CDCA2: variants seen among roughly 807,000 people sequenced by gnomAD.
The protein encoded by CDCA2 is cell division cycle-associated protein 2.
In CDCA2, 44 loss-of-function variants were observed where a neutral mutation model predicts 67.0. The ratio of observed to expected loss-of-function variants is 0.66; its 90% CI spans 0.52 to 0.84. The LOEUF (loss-of-function observed/expected upper bound fraction) is 0.84. Ranked by LOEUF, CDCA2 falls within the 40% of genes least tolerant of loss-of-function variation. CDCA2 has a pLI of 0.00. For synonymous variants in CDCA2, 447 were observed against 418.7 expected (o/e 1.07, Z -0.82); for missense variants, 1,253 against 1,203.2 (o/e 1.04, Z -0.61).
intron 7 of CDCA2, 105 bp from the exon 8 acceptor site, chr8:25,479,807 AT>A: frequency 1.9e-6 from 2 of 1,052,586 alleles, no homozygotes; most frequent in Non-Finnish European, 1.4e-6. Flanking sequence ...TTAGGTTTGA[AT>A]TTCTTCATAG....
Position 25,468,370 on chromosome 8 carries a change from C to T in CDCA2, c.692C>T (p.Thr231Ile), listed in dbSNP as rs1301152328. The change falls in exon 6 of 15, where the codon ACA (threonine) becomes ATA (isoleucine). Residue 231 changes from threonine (T) to isoleucine (I), a missense_variant. Thr to Ile is a moderately conservative substitution (Grantham distance 89). Transcript: ENST00000330560. ...GGTCTCCAGATATTCAATATTGATA[C>T]AGACAGAGCATGTGCAGTTGAAACT... is the stretch of plus-strand genomic sequence containing the variant. Reference protein sequence around the residue: ...VIGLQIFNIDTDRACAVETSV... With the variant: ...VIGLQIFNIDIDRACAVETSV... 6.2e-7 allele frequency: 1 copy of T among 1,613,314 alleles called. No individual in the cohort carries two copies. The highest frequency in any genetic ancestry group is 8.5e-7 in the Non-Finnish European group (1 of 1,179,594).
At chr8:25,476,853 C>T (rs1803371185) in intron 7 of CDCA2, among the ~76,000 whole-genome samples, 1 of 152,126 alleles carries the variant, frequency 6.6e-6, no homozygotes, top group Non-Finnish European at 1.5e-5. Flanking sequence ...CACGCCTGGC[C>T]TCTACCCTCT....
chr8:25,480,639 T>C (rs772771627), intron 8 of CDCA2, among the ~76,000 whole-genome samples: 8 of 152,314 alleles, frequency 5.3e-5, no homozygotes, highest in South Asian at 2.1e-4. Flanking sequence ...TTCTGGCATA[T>C]ATATATAACA....
At chr8:25,472,942 A>G (rs543726850) in intron 7 of CDCA2, among the ~76,000 whole-genome samples, 1 of 152,272 alleles carries the variant, frequency 6.6e-6, no homozygotes, top group South Asian at 2.1e-4. Flanking sequence ...TGTGCAATAG[A>G]TCTCAAAACT....
At chr8:25,464,444 T>A (rs1285093267) in intron 4 of CDCA2, among the ~76,000 whole-genome samples, 3 of 152,108 alleles carry the variant, frequency 2.0e-5, no homozygotes, top group African/African-American at 7.2e-5. Context: ...TTTCCCTAGA[T>A]CCTGAGCCCC....
At chr8:25,484,706 A>G (rs376657939) in intron 10 of CDCA2, among the ~76,000 whole-genome samples, 6 of 150,808 alleles carry the variant, frequency 4.0e-5, no homozygotes, top group African/African-American at 1.5e-4. Context: ...ATCCTCCCAT[A>G]TCCTCCCGTC....
In CDCA2 at chr8:25,488,595, A is replaced by T; in HGVS notation, c.1577A>T (p.Asn526Ile). The change falls in exon 13 of 15, where the codon AAT becomes ATT. Residue 526 changes from asparagine to isoleucine, a missense_variant. Transcript: ENST00000330560. ...VVEESVCNLLNTEVQPCKEKK... is the reference protein window; with the variant it reads ...VVEESVCNLLITEVQPCKEKK... ...GAAGAGAGTGTTTGCAACTTATTGAATACAGAAGTTCAGCCTTGTAAAGAA... is the reference window on the plus strand; with the variant it reads ...GAAGAGAGTGTTTGCAACTTATTGATTACAGAAGTTCAGCCTTGTAAAGAA... 6.2e-7 allele frequency: 1 copy of T among 1,613,216 alleles called. No homozygotes were observed. Among genetic ancestry groups the T allele is most frequent in the Non-Finnish European group, 8.5e-7 (1 of 1,179,690 alleles).
chr8:25,497,857 C>T lies in CDCA2; in HGVS notation c.1672-5516C>T, dbSNP rs1036213701. Among the ~76,000 whole-genome samples, 5 of 152,166 alleles carry T rather than the reference C, an allele frequency of 3.3e-5. No individual in the cohort carries two copies. In the South Asian group the frequency reaches 8.3e-4, roughly 25 times the overall value. ...TTATACAATTGTATTCAAATTTGCC[C>T]ATCAAAACTGAATCTAATCAAGCTT... On this transcript the variant is annotated intron_variant, in intron 13 of 14. Transcript: ENST00000330560.
chr8:25,462,206 C>A lies in CDCA2; in HGVS notation c.385C>A (p.Gln129Lys), dbSNP rs755314359. ...KSPLAQDSPS[Q>K]GSPALYRNVN... ...TCCTTTGGCACAAGATTCTCCTTCCCAGGTATGATTTTCTTCTAAGTTCTG... is the reference window on the plus strand; with the variant it reads ...TCCTTTGGCACAAGATTCTCCTTCCAAGGTATGATTTTCTTCTAAGTTCTG... Residue 129 changes from glutamine to lysine, a missense_variant and splice_region_variant, in exon 4 of 15, where the codon CAG (glutamine) becomes AAG (lysine). Transcript: ENST00000330560. 1.2e-6 allele frequency: 2 copies of A among 1,613,734 alleles called. No individual in the cohort carries two copies. Among genetic ancestry groups the A allele is most frequent in the Non-Finnish European group, 1.7e-6 (2 of 1,179,762 alleles).
intron 13 of CDCA2, among the ~76,000 whole-genome samples, chr8:25,496,210 A>C (rs1030017736): frequency 9.2e-5 from 14 of 152,238 alleles, no homozygotes; most frequent in African/African-American, 3.4e-4. Context: ...ACTTACACTG[A>C]CCAGATATGA....
chr8:25,506,923 T>C lies in CDCA2; in HGVS notation c.2257T>C (p.Phe753Leu). 3 of 1,612,554 alleles carry C rather than the reference T, an allele frequency of 1.9e-6. No individual in the cohort carries two copies. In the East Asian group the frequency reaches 6.7e-5, roughly 36 times the overall value. Residue 753 changes from phenylalanine to leucine, a missense_variant, in exon 15 of 15, where the codon TTT (phenylalanine) becomes CTT (leucine). Coordinates refer to ENST00000330560, the MANE Select transcript of CDCA2 (RefSeq NM_152562.4). ...GQNAENLCQF[F>L]KISPDLNIKC... ...AAATGCAGAAAACCTTTGTCAGTTC[T>C]TTAAAATTTCACCAGATTTAAACAT...
chr8:25,465,660 G>C lies in CDCA2; in HGVS notation c.388-515G>C, dbSNP rs566082613. 1.8e-4 allele frequency among the ~76,000 whole-genome samples: 27 copies of C among 152,172 alleles called. No individual in the cohort carries two copies. In the South Asian group the frequency reaches 5.4e-3, roughly 30 times the overall value. On this transcript the variant is annotated intron_variant, in intron 4 of 14. Coordinates refer to ENST00000330560, the MANE Select transcript of CDCA2 (RefSeq NM_152562.4). ...TCCCATACAATCAGGAAAATTAGCT[G>C]GGAAGAGCCAAAAAGGAGAGCAGTG... is the stretch of plus-strand genomic sequence containing the variant.
chr8:25,484,239 G>T, intron 10 of CDCA2, 29 bp downstream of exon 10: 1 of 1,606,668 alleles, frequency 6.2e-7, no homozygotes, highest in South Asian at 1.1e-5. Flanking sequence ...GAACAAGCTT[G>T]CCATATGTAT....
In CDCA2 at chr8:25,480,062, A is replaced by G. The variant is rs137973386; in HGVS notation, c.970A>G (p.Thr324Ala). The change falls in exon 8 of 15, where the codon ACC becomes GCC. Residue 324 changes from threonine (T) to alanine (A), a missense_variant. Physicochemically the swap from Thr to Ala is moderately conservative, Grantham distance 58. Coordinates refer to ENST00000330560, the MANE Select transcript of CDCA2 (RefSeq NM_152562.4). ...CAGGAGGGACCTTCCCACCCCCAAG[A>G]CCTTTGTACTTCGTTCTGTACTGAA... Reference protein sequence around the residue: ...ACRRDLPTPKTFVLRSVLKKP... With the variant: ...ACRRDLPTPKAFVLRSVLKKP... 1.5e-5 allele frequency: 24 copies of G among 1,614,102 alleles called. No individual in the cohort carries two copies. In the African/African-American group the frequency reaches 2.9e-4, roughly 20 times the overall value.
intron 13 of CDCA2, among the ~76,000 whole-genome samples, chr8:25,499,389 C>T (rs563325032): frequency 1.3e-5 from 2 of 149,494 alleles, no homozygotes; most frequent in African/African-American, 4.9e-5. Flanking sequence ...CTGCAGCCTC[C>T]GCCTCCCAGG....
chr8:25,480,553 C>T lies in CDCA2; in HGVS notation c.1032+429C>T, dbSNP rs977242534. ...ACCTCTTATAGCCATCCTTTTTTCTCGAAGCTCAGTCAATATGAGGAAAGA... is the reference window on the plus strand; with the variant it reads ...ACCTCTTATAGCCATCCTTTTTTCTTGAAGCTCAGTCAATATGAGGAAAGA... On this transcript the variant is annotated intron_variant, in intron 8 of 14. Coordinates refer to ENST00000330560, the MANE Select transcript of CDCA2 (RefSeq NM_152562.4). 5.3e-5 allele frequency among the ~76,000 whole-genome samples: 8 copies of T among 152,104 alleles called. 1 individual carries two copies. The South Asian group carries it at 1.5e-3, about 28-fold the overall frequency.
At chr8:25,461,418 A>G (rs1202282201) in intron 3 of CDCA2, among the ~76,000 whole-genome samples, 1 of 152,228 alleles carries the variant, frequency 6.6e-6, no homozygotes, top group African/African-American at 2.4e-5. Flanking sequence ...AGAGAATAGC[A>G]TTTAGAATTG....
In CDCA2 at chr8:25,507,517, G is replaced by A. The variant is rs1212816852; in HGVS notation, c.2851G>A (p.Ala951Thr). Residue 951 changes from alanine (A) to threonine (T), a missense_variant, in exon 15 of 15, where the codon GCA (alanine) becomes ACA (threonine). By Grantham distance (58) the Ala-to-Thr change is moderately conservative. Coordinates refer to ENST00000330560, the MANE Select transcript of CDCA2 (RefSeq NM_152562.4). ...GTCCTCCAGACAAAAACCGCAGATG[G>A]CACCTCCCGTCTCAGATCCAGAAAA... ...TVSSRQKPQMAPPVSDPENSQ... is the reference protein window; with the variant it reads ...TVSSRQKPQMTPPVSDPENSQ... 1.2e-6 allele frequency: 2 copies of A among 1,613,654 alleles called. No individual in the cohort carries two copies. Among genetic ancestry groups the A allele is most frequent in the Non-Finnish European group, 1.7e-6 (2 of 1,179,908 alleles).
chr8:25,479,470 A>G (rs1803481415), intron 7 of CDCA2, among the ~76,000 whole-genome samples: 1 of 152,118 alleles, frequency 6.6e-6, no homozygotes, highest in Non-Finnish European at 1.5e-5. Context: ...TGGTGTGATG[A>G]TCTTTCTTTT....
Sources: allele counts gnomAD v4.1 joint callset (sites outside exome capture counted in the v4.1 genomes callset), GRCh38; gene constraint gnomAD v4.1.1; transcripts MANE v1.5; gene names NCBI Gene and HGNC (gene_info 2026-07-23, HGNC 2026-07-21).